Variants in CTNNA3 observed in about 807,000 individuals in gnomAD.
CTNNA3 encodes the protein catenin alpha 3, also known as catenin alpha-3.
Under a neutral mutation model 95.7 loss-of-function variants are expected in CTNNA3, and 76 were observed. The observed-to-expected ratio is 0.79, with a 90% confidence interval of 0.66 to 0.96. The LOEUF (loss-of-function observed/expected upper bound fraction) is 0.96, where lower values mean the gene tolerates loss of function less well. Among genes scored for constraint, CTNNA3 ranks in the 40% least tolerant of loss-of-function variants. The pLI, the probability that CTNNA3 is intolerant of heterozygous loss-of-function variation, is 0.00. For missense variants in CTNNA3, 1,191 were observed against 1,089.8 expected, an observed-to-expected ratio of 1.09 and a Z score of -1.31; for synonymous variants, 431 against 374.4, an observed-to-expected ratio of 1.15 and a Z score of -1.74.
chr10:66,471,040 T>C (rs1163622778), intron 11 of CTNNA3, among the ~76,000 whole-genome samples: 2 of 151,844 alleles, frequency 1.3e-5, no homozygotes, highest in Admixed American at 6.6e-5. Flanking sequence ...AAAACGGTCA[T>C]CATCAAACTG....
chr10:66,912,692 A>G (rs1032099839), intron 7 of CTNNA3, among the ~76,000 whole-genome samples: 1 of 152,132 alleles, frequency 6.6e-6, no homozygotes, highest in Non-Finnish European at 1.5e-5. Context: ...ATTTTTTCCT[A>G]GCATTTTTGG....
intron 7 of CTNNA3, among the ~76,000 whole-genome samples, chr10:67,074,583 C>G (rs1161075928): frequency 6.6e-6 from 1 of 152,018 alleles, no homozygotes; most frequent in African/African-American, 2.4e-5. Context: ...ATCTCCTGAC[C>G]TTGTAATCCA....
At chr10:67,132,337 G>A (rs546880831) in intron 7 of CTNNA3, among the ~76,000 whole-genome samples, 2 of 152,098 alleles carry the variant, frequency 1.3e-5, no homozygotes, top group Admixed American at 6.6e-5. Flanking sequence ...TCTAAGAGTC[G>A]GTAGGTTATA....
chr10:66,444,798 T>C (rs1410644430), intron 11 of CTNNA3, among the ~76,000 whole-genome samples: 2 of 152,178 alleles, frequency 1.3e-5, no homozygotes, highest in East Asian at 1.9e-4. Flanking sequence ...AACATCATAA[T>C]GAACAGGACC....
At chr10:65,977,092 G>A (rs2078221292) in intron 16 of CTNNA3, among the ~76,000 whole-genome samples, 1 of 152,074 alleles carries the variant, frequency 6.6e-6, no homozygotes, top group African/African-American at 2.4e-5. Context: ...GAACATTCTT[G>A]CCCTTTACTG....
intron 1 of CTNNA3, among the ~76,000 whole-genome samples, chr10:67,717,811 G>A (rs1841153161): frequency 6.6e-6 from 1 of 152,026 alleles, no homozygotes; most frequent in African/African-American, 2.4e-5. Flanking sequence ...GCTCTTTTTT[G>A]GTTCCATATG....
Position 66,669,128 on chromosome 10 carries a change from T to C in CTNNA3, c.1282-47344A>G, listed in dbSNP as rs567338407. Among the ~76,000 whole-genome samples the C allele has an allele frequency of 3.3e-5, 5 of 152,314 alleles. No homozygotes were observed. The South Asian group carries it at 1.0e-3, about 32-fold the overall frequency. The stretch of plus-strand genomic sequence containing the variant: ...GAACGAATTAAGCCTCAATTATTTT[T>C]ACAATATGCTGTATGCTTGGTGTTA... On this transcript the variant is annotated intron_variant, in intron 9 of 17. Coordinates refer to ENST00000433211, the MANE Select transcript of CTNNA3 (RefSeq NM_013266.4).
intron 15 of CTNNA3, among the ~76,000 whole-genome samples, chr10:66,025,700 CA>C (rs1198786646): frequency 6.6e-6 from 1 of 152,036 alleles, no homozygotes; most frequent in Non-Finnish European, 1.5e-5. Context: ...AAATGGAGTA[CA>C]TTTTCTGAGC....
intron 2 of CTNNA3, among the ~76,000 whole-genome samples, chr10:67,634,575 G>A (rs1839244825): frequency 1.3e-5 from 2 of 152,156 alleles, no homozygotes; most frequent in African/African-American, 4.8e-5. Flanking sequence ...CTGTCTTCAA[G>A]TGACCCATCT....
intron 1 of CTNNA3, among the ~76,000 whole-genome samples, chr10:67,704,531 A>G (rs1026663073): frequency 3.3e-5 from 5 of 152,346 alleles, no homozygotes; most frequent in African/African-American, 1.2e-4. Flanking sequence ...TGGGGAAAGG[A>G]TTCCCTATTT....
At chr10:66,158,131 T>C (rs1218191715) in intron 13 of CTNNA3, among the ~76,000 whole-genome samples, 2 of 152,144 alleles carry the variant, frequency 1.3e-5, no homozygotes. Flanking sequence ...ACTCTACTGA[T>C]TGTTCCTTTG....
At chr10:67,208,515 CA>C (rs1176528543) in intron 6 of CTNNA3, among the ~76,000 whole-genome samples, 22 of 151,766 alleles carry the variant, frequency 1.4e-4, no homozygotes, top group African/African-American at 5.3e-4. Context: ...AATCAGTGAC[CA>C]GAAAAGAAAG....
intron 9 of CTNNA3, among the ~76,000 whole-genome samples, chr10:66,666,840 A>T (rs950548079): frequency 5.3e-5 from 8 of 152,094 alleles, no homozygotes; most frequent in African/African-American, 1.9e-4. Context: ...AAGCACATAT[A>T]ATGTACATAA....
chr10:67,594,838 G>C (rs1842890740), intron 3 of CTNNA3, among the ~76,000 whole-genome samples: 1 of 152,076 alleles, frequency 6.6e-6, no homozygotes, highest in South Asian at 2.1e-4. Flanking sequence ...CACTCGAGCA[G>C]TATACACTGT....
chr10:66,011,296 CTCTT>C (rs1401734257), intron 15 of CTNNA3, among the ~76,000 whole-genome samples: 1 of 152,010 alleles, frequency 6.6e-6, no homozygotes, highest in African/African-American at 2.4e-5. Flanking sequence ...TCTTCTCTTT[CTCTT>C]TCTTTTCTCA....
intron 7 of CTNNA3, among the ~76,000 whole-genome samples, chr10:66,993,200 T>G (rs1437369177): frequency 6.6e-6 from 1 of 152,110 alleles, no homozygotes; most frequent in African/African-American, 2.4e-5. Flanking sequence ...TTTTTCTCCA[T>G]GTGGGTATCT....
At chr10:65,961,771 T>A (rs1017931525) in intron 17 of CTNNA3, among the ~76,000 whole-genome samples, 3 of 151,282 alleles carry the variant, frequency 2.0e-5, no homozygotes, top group South Asian at 4.2e-4. Flanking sequence ...AAAAAAAAAA[T>A]TAGTATTTGA....
intron 7 of CTNNA3, among the ~76,000 whole-genome samples, chr10:66,964,290 T>G (rs1849281489): frequency 6.6e-6 from 1 of 151,586 alleles, no homozygotes; most frequent in Non-Finnish European, 1.5e-5. Context: ...TTTTTTTTTT[T>G]TCCGCATTTC....
At chr10:66,328,545 A>G (rs564553853) in intron 12 of CTNNA3, among the ~76,000 whole-genome samples, 103 of 149,124 alleles carry the variant, frequency 6.9e-4, no homozygotes, top group African/African-American at 2.3e-3. Context: ...AGACTTGTCC[A>G]TAGAGAAGTC....
Sources: allele counts gnomAD v4.1 joint callset (sites outside exome capture counted in the v4.1 genomes callset), GRCh38; gene constraint gnomAD v4.1.1; transcripts MANE v1.5; gene names NCBI Gene and HGNC (gene_info 2026-07-23, HGNC 2026-07-21).